MEIS1: variants seen among roughly 807,000 people sequenced by gnomAD.
The protein encoded by MEIS1 is Meis homeobox 1, also known as homeobox protein Meis1.
MEIS1 carries 5 observed loss-of-function variants against 50.8 expected under a neutral mutation model. That is an observed-to-expected ratio of 0.10 (90% confidence interval 0.05 to 0.21). The LOEUF (loss-of-function observed/expected upper bound fraction) is 0.21. Among genes scored for constraint, MEIS1 ranks in the 10% least tolerant of loss-of-function variants. The pLI, the probability that MEIS1 is intolerant of heterozygous loss-of-function variation, is 1.00. For synonymous variants in MEIS1, 176 were observed against 179.3 expected (o/e 0.98, Z 0.15); for missense variants, 318 against 517.3 (o/e 0.61, Z 3.74).
chr2:66,437,792 T>C lies in MEIS1; in HGVS notation c.68T>C (p.Met23Thr). 6.2e-7 allele frequency: 1 copy of C among 1,613,898 alleles called. No individual in the cohort carries two copies. The highest frequency in any genetic ancestry group is 8.5e-7 in the Non-Finnish European group (1 of 1,179,876). Residue 23 changes from methionine to threonine, a missense_variant, in exon 2 of 13, where the codon ATG becomes ACG. Physicochemically the swap from Met to Thr is moderately conservative, Grantham distance 81. Transcript: ENST00000272369. ...GMDGVGIPSTMYGDPHAARSM... is the reference protein window; with the variant it reads ...GMDGVGIPSTTYGDPHAARSM... Reference sequence around the variant, plus strand: ...GATGGAGTAGGCATCCCCTCCACGATGTATGGGGACCCGCATGCAGCCAGG... The same window carrying C: ...GATGGAGTAGGCATCCCCTCCACGACGTATGGGGACCCGCATGCAGCCAGG...
At chr2:66,523,159 G>A (rs1271547544) in intron 8 of MEIS1, among the ~76,000 whole-genome samples, 1 of 152,180 alleles carries the variant, frequency 6.6e-6, no homozygotes, top group Non-Finnish European at 1.5e-5. Flanking sequence ...CTGCAAATGA[G>A]GCAGTAATGG....
intron 8 of MEIS1, among the ~76,000 whole-genome samples, chr2:66,530,615 C>A (rs2103892880): frequency 6.6e-6 from 1 of 152,126 alleles, no homozygotes; most frequent in African/African-American, 2.4e-5. Flanking sequence ...ACTCGGGAGG[C>A]TGAGGCAGGA....
At chr2:66,439,219 G>C (rs184720762) in intron 2 of MEIS1, 1 of 955,788 alleles carries the variant, frequency 1.0e-6, no homozygotes, top group East Asian at 9.5e-5. Flanking sequence ...TCTTTGGGGG[G>C]CGGTGGGGGC....
intron 6 of MEIS1, among the ~76,000 whole-genome samples, chr2:66,460,050 C>A (rs1672483145): frequency 6.6e-6 from 1 of 152,028 alleles, no homozygotes; most frequent in South Asian, 2.1e-4. Context: ...AAATTTAAGG[C>A]ATAGATTGAA....
At chr2:66,482,115 C>T (rs1049597843) in intron 7 of MEIS1, among the ~76,000 whole-genome samples, 1 of 152,128 alleles carries the variant, frequency 6.6e-6, no homozygotes, top group African/African-American at 2.4e-5. Context: ...CTACGTCGGC[C>T]TCCCAAAGTG....
At chr2:66,484,144 C>T (rs1189099531) in intron 7 of MEIS1, among the ~76,000 whole-genome samples, 10 of 152,124 alleles carry the variant, frequency 6.6e-5, no homozygotes, top group African/African-American at 2.2e-4. Flanking sequence ...TTAATTGCGA[C>T]TAGAAAAGTT....
chr2:66,555,212 G>T (rs931299081), intron 9 of MEIS1, among the ~76,000 whole-genome samples: 1 of 151,184 alleles, frequency 6.6e-6, no homozygotes, highest in African/African-American at 2.4e-5. Flanking sequence ...AGTTTTATAG[G>T]TCAGCAGAAA....
chr2:66,473,155 G>A (rs542079584), intron 7 of MEIS1, among the ~76,000 whole-genome samples: 59 of 151,664 alleles, frequency 3.9e-4, no homozygotes, highest in Non-Finnish European at 6.5e-4. Flanking sequence ...AAGGTGGGCG[G>A]ATCACCTGAG....
At chr2:66,453,440 G>C (rs1488766821) in intron 6 of MEIS1, among the ~76,000 whole-genome samples, 2 of 151,910 alleles carry the variant, frequency 1.3e-5, no homozygotes, top group Admixed American at 1.3e-4. Flanking sequence ...TCTTAGTTAA[G>C]TATCTTGAAA....
intron 7 of MEIS1, among the ~76,000 whole-genome samples, chr2:66,507,691 G>C (rs1303387341): frequency 2.0e-5 from 3 of 152,166 alleles, no homozygotes; most frequent in Non-Finnish European, 4.4e-5. Flanking sequence ...ATGGAAGCAA[G>C]GCTTTGACCT....
chr2:66,570,993 T>G (rs541983423), intron 12 of MEIS1: 85 of 424,986 alleles, frequency 2.0e-4, no homozygotes, highest in African/African-American at 1.7e-3. Context: ...ATTTTATTCT[T>G]TTTAATAAAT....
At chr2:66,568,129 TTTTTG>T (rs1675396296) in intron 10 of MEIS1, 1 of 157,532 alleles carries the variant, frequency 6.3e-6, no homozygotes, top group South Asian at 1.9e-4. Flanking sequence ...AATAACAGTC[TTTTTG>T]TTTTGTTTTT....
At chr2:66,490,536 T>C (rs1673246949) in intron 7 of MEIS1, among the ~76,000 whole-genome samples, 1 of 152,184 alleles carries the variant, frequency 6.6e-6, no homozygotes, top group South Asian at 2.1e-4. Context: ...TAGGGTGTTA[T>C]AAAGGACCAC....
At chr2:66,540,415 T>A (rs7563429) in intron 8 of MEIS1, among the ~76,000 whole-genome samples, 8,250 of 152,178 alleles carry the variant, frequency 0.054, 272 homozygotes, top group East Asian at 0.13. Flanking sequence ...TTCAAGTGGA[T>A]TCTCCTGCCT....
intron 7 of MEIS1, among the ~76,000 whole-genome samples, chr2:66,483,243 T>C (rs1673061021): frequency 6.7e-6 from 1 of 149,916 alleles, no homozygotes; most frequent in Non-Finnish European, 1.5e-5. Context: ...TTTTTTTTTT[T>C]TGTCTTTTTG....
chr2:66,472,684 G>A (rs1370641806), intron 7 of MEIS1, among the ~76,000 whole-genome samples: 1 of 152,342 alleles, frequency 6.6e-6, no homozygotes, highest in East Asian at 1.9e-4. Flanking sequence ...TGGGTATTAG[G>A]TTCAAATTGC....
intron 8 of MEIS1, among the ~76,000 whole-genome samples, chr2:66,515,090 A>G (rs900483135): frequency 6.6e-6 from 1 of 152,170 alleles, no homozygotes; most frequent in Non-Finnish European, 1.5e-5. Flanking sequence ...TGGTCACGTC[A>G]TTGCTATGTG....
At chr2:66,537,620 A>T (rs1558555426) in intron 8 of MEIS1, among the ~76,000 whole-genome samples, 1 of 152,170 alleles carries the variant, frequency 6.6e-6, no homozygotes. Context: ...CGGATACTTT[A>T]TTCTTTAGAC....
At chr2:66,458,096 C>T (rs1444718133) in intron 6 of MEIS1, among the ~76,000 whole-genome samples, 3 of 152,062 alleles carry the variant, frequency 2.0e-5, no homozygotes, top group Non-Finnish European at 2.9e-5. Context: ...TAAAGATCAT[C>T]AGACTCTCAA....
Sources: gnomAD v4.1 joint callset for allele counts (sites outside exome capture counted in the v4.1 genomes callset) on GRCh38, gnomAD v4.1.1 for gene constraint, MANE v1.5 for transcripts, NCBI Gene and HGNC (gene_info 2026-07-23, HGNC 2026-07-21) for gene names.